DIP2C: variants seen among roughly 807,000 people sequenced by gnomAD.
The protein encoded by DIP2C is DIP2 acetate--CoA ligase C (putative).
Under a neutral mutation model 192.4 loss-of-function variants are expected in DIP2C, and 33 were observed. That is an observed-to-expected ratio of 0.17 (90% confidence interval 0.13 to 0.23). The LOEUF (loss-of-function observed/expected upper bound fraction) is 0.23. Ranked by LOEUF, DIP2C falls within the 10% of genes least tolerant of loss-of-function variation. The pLI, the probability that DIP2C is intolerant of heterozygous loss-of-function variation, is 1.00. For synonymous variants in DIP2C, 979 were observed against 864.1 expected (o/e 1.13, Z -2.33); for missense variants, 1,537 against 2,110.1 (o/e 0.73, Z 5.32).
intron 1 of DIP2C, among the ~76,000 whole-genome samples, chr10:688,648 G>A (rs1316722086): frequency 2.0e-5 from 3 of 149,908 alleles, no homozygotes; most frequent in Non-Finnish European, 4.4e-5. Context: ...TTCAGATTTG[G>A]GAACTTCAGT....
intron 23 of DIP2C, among the ~76,000 whole-genome samples, chr10:356,996 A>C (rs1330803904): frequency 6.6e-6 from 1 of 152,260 alleles, no homozygotes; most frequent in Admixed American, 6.5e-5. Flanking sequence ...TGATGGCATG[A>C]AGCCACAAAT....
At chr10:615,183 G>A (rs1040419628) in intron 1 of DIP2C, among the ~76,000 whole-genome samples, 2 of 152,244 alleles carry the variant, frequency 1.3e-5, no homozygotes, top group African/African-American at 4.8e-5. Flanking sequence ...AAAGTGCAGA[G>A]GACGGTGCGG....
At chr10:313,106 CCT>C (rs1956630588) in intron 31 of DIP2C, among the ~76,000 whole-genome samples, 1 of 151,990 alleles carries the variant, frequency 6.6e-6, no homozygotes, top group Non-Finnish European at 1.5e-5. Context: ...TTATAAAACC[CCT>C]GAGGTAAAAA....
chr10:565,499 T>G (rs1005760673), intron 1 of DIP2C, among the ~76,000 whole-genome samples: 3 of 152,154 alleles, frequency 2.0e-5, no homozygotes, highest in African/African-American at 7.2e-5. Context: ...TTAGCTCTTT[T>G]TAAACAAGGC....
intron 1 of DIP2C, among the ~76,000 whole-genome samples, chr10:491,915 A>T (rs1338803623): frequency 6.6e-6 from 1 of 152,132 alleles, no homozygotes; most frequent in Non-Finnish European, 1.5e-5. Flanking sequence ...ACCACAGAAA[A>T]CCAGGGGCTA....
chr10:610,288 G>A (rs1047987763), intron 1 of DIP2C, among the ~76,000 whole-genome samples: 2 of 152,176 alleles, frequency 1.3e-5, no homozygotes, highest in Non-Finnish European at 2.9e-5. Context: ...AAAAGTAGGT[G>A]GTCAGCAGGG....
intron 2 of DIP2C, among the ~76,000 whole-genome samples, chr10:483,465 G>A (rs558176009): frequency 1.5e-4 from 23 of 152,352 alleles, no homozygotes; most frequent in East Asian, 7.7e-4. Context: ...AATGAAGGTC[G>A]GCAGGGAAAC....
chr10:337,266 T>A (rs62638888), intron 29 of DIP2C, among the ~76,000 whole-genome samples: 32 of 3,258 alleles, frequency 9.8e-3, no homozygotes, highest in East Asian at 0.013. Context: ...AGGCCTAGGC[T>A]GATGTGTGTG....
intron 23 of DIP2C, 95 bp downstream of exon 23, chr10:357,713 CGGACTGTCAGGGAAGGTAGG>C: frequency 1.3e-6 from 1 of 751,602 alleles, no homozygotes; most frequent in Non-Finnish European, 2.2e-6. Context: ...GACACTGTCG[CGGACTGTCAGGGAAGGTAGG>C]GGACAGTCGG....
chr10:297,424 C>G (rs913374083), intron 32 of DIP2C, among the ~76,000 whole-genome samples: 1 of 152,016 alleles, frequency 6.6e-6, no homozygotes, highest in African/African-American at 2.4e-5. Context: ...ATGAATCCAC[C>G]CAGGAGTCCA....
intron 35 of DIP2C, among the ~76,000 whole-genome samples, chr10:282,876 C>T (rs1954909545): frequency 6.6e-6 from 1 of 152,272 alleles, no homozygotes; most frequent in Non-Finnish European, 1.5e-5. Flanking sequence ...ATGCACGTTC[C>T]TGCAGCCACT....
chr10:338,110 A>G (rs954311900), intron 29 of DIP2C, among the ~76,000 whole-genome samples: 1 of 152,236 alleles, frequency 6.6e-6, no homozygotes, highest in Non-Finnish European at 1.5e-5. Flanking sequence ...TATAAAGGAG[A>G]TAAATTATTT....
intron 33 of DIP2C, 131 bp downstream of exon 33, chr10:288,233 C>T: frequency 1.1e-6 from 1 of 878,952 alleles, no homozygotes; most frequent in Non-Finnish European, 1.8e-6. Context: ...TTTCTATACT[C>T]ACTGATATGT....
chr10:341,368 A>T, intron 28 of DIP2C, 39 bp from the exon 29 acceptor site: 1 of 1,611,256 alleles, frequency 6.2e-7, no homozygotes. Flanking sequence ...ATCGGACCTG[A>T]CACCCTCAGA....
chr10:307,725 G>A (rs1171116538), intron 32 of DIP2C, among the ~76,000 whole-genome samples: 2 of 152,250 alleles, frequency 1.3e-5, no homozygotes, highest in Non-Finnish European at 2.9e-5. Context: ...CCCAGAAGCC[G>A]GGAGGGAAGG....
chr10:528,686 G>C (rs1041294782), intron 1 of DIP2C, among the ~76,000 whole-genome samples: 5 of 152,142 alleles, frequency 3.3e-5, no homozygotes, highest in Admixed American at 1.3e-4. Context: ...CTCTCCTCCG[G>C]GAGCACGTGC....
At chr10:586,560 G>A (rs1465998787) in intron 1 of DIP2C, among the ~76,000 whole-genome samples, 5 of 152,180 alleles carry the variant, frequency 3.3e-5, no homozygotes, top group African/African-American at 7.2e-5. Flanking sequence ...TGCTCGGAAG[G>A]TGCCCTCATT....
At chr10:582,029 G>A (rs1850700369) in intron 1 of DIP2C, among the ~76,000 whole-genome samples, 1 of 151,794 alleles carries the variant, frequency 6.6e-6, no homozygotes, top group Non-Finnish European at 1.5e-5. Flanking sequence ...TTACAATAGG[G>A]TTCCAACGTC....
rs1856801461 is a variant in DIP2C at position 662,189 on chromosome 10, T to C, written c.85+27305A>G. The stretch of plus-strand genomic sequence containing the variant: ...GATAGGCACATGCATATTTTATCTA[T>C]ACACAAAGAGTACAGGCCTCACACC... On this transcript the variant is annotated intron_variant, in intron 1 of 36. Coordinates refer to ENST00000280886, the MANE Select transcript of DIP2C (RefSeq NM_014974.3). 2.4e-5 allele frequency: 17 copies of C among 706,914 alleles called. No homozygotes were observed. In the South Asian group the frequency reaches 2.6e-4, roughly 11 times the overall value. 43.8% of individuals were successfully genotyped at this position (706,914 alleles called of 1,614,324 possible).
Sources: allele counts gnomAD v4.1 joint callset (sites outside exome capture counted in the v4.1 genomes callset), GRCh38; gene constraint gnomAD v4.1.1; transcripts MANE v1.5; gene names NCBI Gene and HGNC (gene_info 2026-07-23, HGNC 2026-07-21).